AKAP13: variants seen among roughly 807,000 people sequenced by gnomAD.
AKAP13 encodes A-kinase anchoring protein 13, also known as A-kinase anchor protein 13.
Under a neutral mutation model 264.5 loss-of-function variants are expected in AKAP13, and 80 were observed. That is an observed-to-expected ratio of 0.30 (90% CI 0.25 to 0.36). AKAP13 has a LOEUF of 0.36. Ranked by LOEUF, AKAP13 falls within the 10% of genes least tolerant of loss-of-function variation. The probability of loss-of-function intolerance (pLI) is 1.00; values close to 1 mark genes in which losing one functional copy is unlikely to be tolerated. For synonymous variants in AKAP13, 1,380 were observed against 1,250.2 expected, an observed-to-expected ratio of 1.10 and a Z score of -2.19; for missense variants, 3,712 against 3,435.2, an observed-to-expected ratio of 1.08 and a Z score of -2.01.
intron 12 of AKAP13, among the ~76,000 whole-genome samples, chr15:85,660,572 AAAG>A (rs1304484833): frequency 6.6e-6 from 1 of 152,154 alleles, no homozygotes; most frequent in African/African-American, 2.4e-5. Flanking sequence ...TGTTTCTAAA[AAAG>A]AAGTTGGATA....
intron 8 of AKAP13, chr15:85,635,094 G>A: frequency 2.5e-6 from 1 of 398,230 alleles, no homozygotes; most frequent in African/African-American, 2.1e-5. Flanking sequence ...TGAATGGAAT[G>A]CTATGTTGTA....
chr15:85,540,521 C>T (rs570662856), intron 4 of AKAP13, among the ~76,000 whole-genome samples: 1 of 152,258 alleles, frequency 6.6e-6, no homozygotes, highest in East Asian at 1.9e-4. Context: ...ACTCAGTTGA[C>T]ACTGTAGGAA....
intron 15 of AKAP13, 169 bp from the exon 16 acceptor site, chr15:85,684,572 T>G: frequency 1.6e-6 from 1 of 628,450 alleles, no homozygotes; most frequent in Non-Finnish European, 2.7e-6. Context: ...AAGAAAACAT[T>G]AGTGACGGAT....
chr15:85,598,859 A>C (rs1380388777), intron 8 of AKAP13, among the ~76,000 whole-genome samples: 1 of 152,152 alleles, frequency 6.6e-6, no homozygotes, highest in Non-Finnish European at 1.5e-5. Context: ...GAAATGTTTC[A>C]CTCAAAGGAT....
At chr15:85,618,985 T>C (rs2081056672) in intron 8 of AKAP13, among the ~76,000 whole-genome samples, 1 of 152,218 alleles carries the variant, frequency 6.6e-6, no homozygotes, top group South Asian at 2.1e-4. Context: ...CAGGGAGGTA[T>C]AGTGTATGCT....
At chr15:85,690,537 C>G (rs1381733653) in intron 16 of AKAP13, among the ~76,000 whole-genome samples, 2 of 152,178 alleles carry the variant, frequency 1.3e-5, no homozygotes, top group African/African-American at 4.8e-5. Flanking sequence ...CTCCCTTCCT[C>G]TCTCATTATT....
At chr15:85,521,864 C>T (rs1251538636) in intron 3 of AKAP13, among the ~76,000 whole-genome samples, 2 of 152,038 alleles carry the variant, frequency 1.3e-5, no homozygotes, top group East Asian at 1.9e-4. Context: ...CTGTATTTAT[C>T]CTCCTACTTG....
intron 1 of AKAP13, among the ~76,000 whole-genome samples, chr15:85,412,220 T>C (rs898183302): frequency 3.3e-5 from 5 of 152,258 alleles, no homozygotes; most frequent in African/African-American, 1.2e-4. Flanking sequence ...ACATTGTGAC[T>C]AACTCTTTAA....
At chr15:85,408,042 G>C (rs2071761156) in intron 1 of AKAP13, among the ~76,000 whole-genome samples, 1 of 151,706 alleles carries the variant, frequency 6.6e-6, no homozygotes, top group Admixed American at 6.5e-5. Context: ...TAGTTGTCCA[G>C]AATAACTGGG....
chr15:85,618,135 G>A (rs2151414520), intron 8 of AKAP13, among the ~76,000 whole-genome samples: 1 of 152,336 alleles, frequency 6.6e-6, no homozygotes. Context: ...TAGCTGGGGT[G>A]TATTAATAGA....
intron 19 of AKAP13, among the ~76,000 whole-genome samples, chr15:85,714,945 C>T (rs1028042704): frequency 1.1e-4 from 17 of 151,690 alleles, no homozygotes; most frequent in Non-Finnish European, 7.4e-5. Context: ...CCAGCCTGGG[C>T]GACAGAACAA....
At chr15:85,650,843 A>G (rs1596901236) in intron 10 of AKAP13, among the ~76,000 whole-genome samples, 1 of 151,176 alleles carries the variant, frequency 6.6e-6, no homozygotes. Context: ...TAAAAACTTA[A>G]AACTGTGAAC....
At chr15:85,725,045 T>A (rs1400435150) in intron 26 of AKAP13, among the ~76,000 whole-genome samples, 1 of 152,210 alleles carries the variant, frequency 6.6e-6, no homozygotes, top group Non-Finnish European at 1.5e-5. Context: ...GGCCTGAATT[T>A]CCTAGAGCTG....
intron 1 of AKAP13, among the ~76,000 whole-genome samples, chr15:85,413,700 C>G (rs190838687): frequency 6.6e-6 from 1 of 152,144 alleles, no homozygotes; most frequent in Non-Finnish European, 1.5e-5. Context: ...ACGGTGAGAT[C>G]GCAGTGTGTT....
chr15:85,521,040 G>A (rs1006446991), intron 2 of AKAP13, among the ~76,000 whole-genome samples: 3 of 152,210 alleles, frequency 2.0e-5, no homozygotes, highest in African/African-American at 7.2e-5. Flanking sequence ...GTATAAGGAT[G>A]TGATCATTTA....
chr15:85,663,875 C>G (rs1268205793), intron 12 of AKAP13, among the ~76,000 whole-genome samples: 1 of 152,150 alleles, frequency 6.6e-6, no homozygotes, highest in East Asian at 1.9e-4. Context: ...TTACCAATAT[C>G]CAGGCAAAAA....
At chr15:85,441,424 A>G (rs1342208522) in intron 1 of AKAP13, among the ~76,000 whole-genome samples, 1 of 151,824 alleles carries the variant, frequency 6.6e-6, no homozygotes, top group Non-Finnish European at 1.5e-5. Flanking sequence ...ATTGGTAAAT[A>G]TTTTTTCCTA....
intron 5 of AKAP13, among the ~76,000 whole-genome samples, chr15:85,555,228 C>T (rs898905070): frequency 2.6e-5 from 4 of 152,088 alleles, no homozygotes; most frequent in African/African-American, 9.7e-5. Context: ...GCTTCTCCAG[C>T]TCCATTTGAG....
chr15:85,578,132 A>C (rs967779858), intron 6 of AKAP13, among the ~76,000 whole-genome samples: 1 of 152,106 alleles, frequency 6.6e-6, no homozygotes, highest in African/African-American at 2.4e-5. Flanking sequence ...AAAATAAAAC[A>C]ATTAGTCAGG....
Sources: allele counts gnomAD v4.1 joint callset (sites outside exome capture counted in the v4.1 genomes callset), GRCh38; gene constraint gnomAD v4.1.1; transcripts MANE v1.5; gene names NCBI Gene and HGNC (gene_info 2026-07-23, HGNC 2026-07-21).